Variants in AATF observed in about 807,000 individuals in gnomAD.
The protein encoded by AATF is protein AATF.
AATF carries 48 observed loss-of-function variants against 63.7 expected under a neutral mutation model. That is an observed-to-expected ratio of 0.75 (90% CI 0.60 to 0.96). The LOEUF (loss-of-function observed/expected upper bound fraction) is 0.96, where lower values mean the gene tolerates loss of function less well. Ranked by LOEUF, AATF falls within the 40% of genes least tolerant of loss-of-function variation. The probability of loss-of-function intolerance (pLI) is 0.00; values close to 1 mark genes in which losing one functional copy is unlikely to be tolerated. For synonymous variants in AATF, 258 were observed against 247.7 expected, an observed-to-expected ratio of 1.04 and a Z score of -0.39; for missense variants, 639 against 685.7, an observed-to-expected ratio of 0.93 and a Z score of 0.76.
At chr17:37,031,806 A>G in intron 11 of AATF, 121 bp downstream of exon 11, 1 of 819,948 alleles carries the variant, frequency 1.2e-6, no homozygotes, top group Non-Finnish European at 2.1e-6. Flanking sequence ...TTGGCATCGC[A>G]GTAAGGGTCA....
chr17:37,021,760 G>C (rs530828596), intron 10 of AATF, among the ~76,000 whole-genome samples: 1 of 83,704 alleles, frequency 1.2e-5, no homozygotes, highest in Non-Finnish European at 2.1e-5. Flanking sequence ...AGCCGAGATC[G>C]CGCCACTGCA....
intron 10 of AATF, among the ~76,000 whole-genome samples, chr17:37,030,352 T>C (rs1363395515): frequency 6.6e-6 from 1 of 152,212 alleles, no homozygotes; most frequent in Non-Finnish European, 1.5e-5. Flanking sequence ...GTAAAAATGT[T>C]CCTAAAACTT....
Position 37,002,434 on chromosome 17 carries a change from A to G in AATF, c.1398+11577A>G, listed in dbSNP as rs1002126162. Among the ~76,000 whole-genome samples, 19 of 151,994 alleles carry G rather than the reference A, an allele frequency of 1.3e-4. No individual in the cohort carries two copies. In the South Asian group the frequency reaches 2.5e-3, roughly 20 times the overall value. On this transcript the variant is annotated intron_variant, in intron 8 of 11. Transcript: ENST00000619387. ...TGTAATCCCAGCACTTTGGGAGGCC[A>G]AGGCGGGCAGATCACAAGGTCAGGA... is the stretch of plus-strand genomic sequence containing the variant.
intron 11 of AATF, among the ~76,000 whole-genome samples, chr17:37,048,595 C>T (rs566330690): frequency 2.0e-5 from 3 of 151,912 alleles, no homozygotes; most frequent in Admixed American, 1.3e-4. Context: ...GGTCTCAAAC[C>T]CCTAACCTCA....
chr17:36,955,034 TC>T (rs753979668), intron 4 of AATF, among the ~76,000 whole-genome samples: 1 of 152,196 alleles, frequency 6.6e-6, no homozygotes, highest in Non-Finnish European at 1.5e-5. Context: ...GGCCTTGGCC[TC>T]CCAAAGTGTT....
In AATF at chr17:36,983,354, GT is replaced by G. The variant is rs1031684563; in HGVS notation, c.833-3258del. ...CACCACATCAGGCCTTAGTTTTTTT[GT>G]TTTTGTTTTTGAGATGGAGTCTCAC... On this transcript the variant is annotated intron_variant, in intron 4 of 11. Transcript: ENST00000619387. Among the ~76,000 whole-genome samples, 7 of 150,540 alleles carry G rather than the reference GT, an allele frequency of 4.6e-5. No individual in the cohort carries two copies. The East Asian group carries it at 1.4e-3, about 30-fold the overall frequency.
intron 4 of AATF, among the ~76,000 whole-genome samples, chr17:36,963,285 G>A (rs1304444571): frequency 1.3e-5 from 2 of 152,108 alleles, no homozygotes; most frequent in East Asian, 1.9e-4. Context: ...AGTGAGCATC[G>A]ATCAACAGAA....
chr17:37,017,738 T>C (rs2071438873), intron 8 of AATF, among the ~76,000 whole-genome samples: 1 of 152,172 alleles, frequency 6.6e-6, no homozygotes. Flanking sequence ...TAATTGCAAT[T>C]GAGATATCCT....
intron 8 of AATF, among the ~76,000 whole-genome samples, chr17:36,995,526 TA>T (rs2071248224): frequency 6.6e-6 from 1 of 152,134 alleles, no homozygotes; most frequent in Non-Finnish European, 1.5e-5. Flanking sequence ...GGTGATATGA[TA>T]TTTTTTATAT....
intron 4 of AATF, among the ~76,000 whole-genome samples, chr17:36,982,112 C>T (rs2071130022): frequency 6.6e-6 from 1 of 152,002 alleles, no homozygotes; most frequent in Admixed American, 6.6e-5. Context: ...TTTTTTCTAA[C>T]TGGCTTATTT....
At chr17:37,047,121 G>T (rs2071700272) in intron 11 of AATF, among the ~76,000 whole-genome samples, 1 of 152,186 alleles carries the variant, frequency 6.6e-6, no homozygotes. Context: ...TAAAAGCAGT[G>T]TGATGATTTG....
At chr17:36,952,309 C>G (rs1178361881) in intron 2 of AATF, among the ~76,000 whole-genome samples, 1 of 152,228 alleles carries the variant, frequency 6.6e-6, no homozygotes, top group Non-Finnish European at 1.5e-5. Flanking sequence ...TATTGGCATG[C>G]ATATCTACCA....
intron 4 of AATF, among the ~76,000 whole-genome samples, chr17:36,978,134 A>G (rs1424162817): frequency 6.6e-6 from 1 of 152,118 alleles, no homozygotes; most frequent in Admixed American, 6.6e-5. Context: ...GTAAAATGGT[A>G]AGAATTTTTT....
At chr17:37,006,582 T>C (rs2142270487) in intron 8 of AATF, among the ~76,000 whole-genome samples, 1 of 152,378 alleles carries the variant, frequency 6.6e-6, no homozygotes, top group Admixed American at 6.5e-5. Context: ...GCTTTAATTC[T>C]TACTCTGTCT....
At chr17:37,009,435 G>A (rs983667381) in intron 8 of AATF, among the ~76,000 whole-genome samples, 10 of 151,508 alleles carry the variant, frequency 6.6e-5, no homozygotes, top group African/African-American at 1.5e-4. Flanking sequence ...GTGAACCACC[G>A]TGCCTGGCCC....
At chr17:37,002,145 T>C (rs983843099) in intron 8 of AATF, among the ~76,000 whole-genome samples, 2 of 140,352 alleles carry the variant, frequency 1.4e-5, no homozygotes, top group African/African-American at 5.4e-5. Context: ...GAGGTTGCAG[T>C]GAGCCATGAT....
At chr17:36,984,115 A>T (rs2071148785) in intron 4 of AATF, among the ~76,000 whole-genome samples, 1 of 152,244 alleles carries the variant, frequency 6.6e-6, no homozygotes, top group African/African-American at 2.4e-5. Context: ...AGACATAAAA[A>T]TCATTTAACC....
At chr17:37,052,301 T>C (rs2071759177) in intron 11 of AATF, 1 of 152,222 alleles carries the variant, frequency 6.6e-6, no homozygotes, top group Non-Finnish European at 1.5e-5. Context: ...ATTGATAGTT[T>C]AGCTTCTCCA....
chr17:37,031,778 TCAGTTAAC>T, intron 11 of AATF, 93 bp downstream of exon 11: 1 of 1,015,670 alleles, frequency 9.8e-7, no homozygotes, highest in Non-Finnish European at 1.6e-6. Context: ...TTTCTTCTTA[TCAGTTAAC>T]CATTTGTCAT....
Sources: gnomAD v4.1 joint callset for allele counts (sites outside exome capture counted in the v4.1 genomes callset) on GRCh38, gnomAD v4.1.1 for gene constraint, MANE v1.5 for transcripts, NCBI Gene and HGNC (gene_info 2026-07-23, HGNC 2026-07-21) for gene names.